Variants in ANKRD12 observed in about 807,000 individuals in gnomAD.
The protein encoded by ANKRD12 is ankyrin repeat domain-containing protein 12.
In ANKRD12, 85 loss-of-function variants were observed where a neutral mutation model predicts 183.4. The observed-to-expected ratio is 0.46, with a 90% CI of 0.39 to 0.56. The LOEUF is 0.56. ANKRD12 is among the 20% of genes least tolerant of loss of function. The pLI is 0.00. For synonymous variants in ANKRD12, 914 were observed against 800.2 expected, an observed-to-expected ratio of 1.14 and a Z score of -2.40; for missense variants, 2,405 against 2,357.1, an observed-to-expected ratio of 1.02 and a Z score of -0.42.
chr18:9,190,760 A>G (rs2034402477), intron 2 of ANKRD12, among the ~76,000 whole-genome samples: 1 of 152,248 alleles, frequency 6.6e-6, no homozygotes. Context: ...TAGTATATTT[A>G]GTACTTTAAA....
intron 10 of ANKRD12, among the ~76,000 whole-genome samples, chr18:9,267,056 A>G (rs1485763845): frequency 6.6e-6 from 1 of 152,184 alleles, no homozygotes. Flanking sequence ...CAATTCAACA[A>G]GAAGAGCTAA....
chr18:9,216,295 T>C (rs1456213169), intron 6 of ANKRD12, among the ~76,000 whole-genome samples: 1 of 152,140 alleles, frequency 6.6e-6, no homozygotes, highest in Non-Finnish European at 1.5e-5. Flanking sequence ...AAGATGATGA[T>C]GACCTTTTTG....
At chr18:9,138,544 AC>A in intron 1 of ANKRD12, among the ~76,000 whole-genome samples, 1 of 151,612 alleles carries the variant, frequency 6.6e-6, no homozygotes, top group East Asian at 1.9e-4. Context: ...AAACAAACAA[AC>A]AAAAAAACAT....
At position 9,255,014 on chromosome 18, in the gene ANKRD12, TATG is replaced by T. The variant is rs1275189680; in HGVS notation, c.1750_1752del (p.Asp584del). 6.2e-7 allele frequency: 1 copy of T among 1,607,100 alleles called. No individual in the cohort carries two copies. Among genetic ancestry groups the T allele is most frequent in the Non-Finnish European group, 8.5e-7 (1 of 1,177,570 alleles). On this transcript the variant is annotated inframe_deletion, in exon 9 of 13. Coordinates refer to ENST00000262126, the MANE Select transcript of ANKRD12 (RefSeq NM_015208.5). The stretch of plus-strand genomic sequence containing the variant: ...GTCATTACAGCCTGATCTTGTTCGG[TATG>T]ATAATACAGAATCTGAATTCTTGCC...
intron 10 of ANKRD12, among the ~76,000 whole-genome samples, chr18:9,265,646 A>G (rs1457639913): frequency 6.6e-6 from 1 of 152,184 alleles, no homozygotes; most frequent in East Asian, 1.9e-4. Context: ...ATCAAAGACC[A>G]AAGGTAGATA....
rs748527971 is a variant in ANKRD12 at position 9,282,621 on chromosome 18, A to T, written c.*1495A>T. 4.6e-5 allele frequency: 7 copies of T among 152,608 alleles called. 1 individual carries two copies. The highest frequency in any genetic ancestry group is 9.6e-5 in the African/African-American group (4 of 41,476). The allele number at this position is 152,608 out of a possible 1,614,324, so 9.5% of individuals were successfully genotyped here. A position where few individuals can be genotyped will look rare whatever the true frequency, so the allele number is the denominator to read the frequency against. The stretch of plus-strand genomic sequence containing the variant: ...CATAAATATATGAGGTAAAATTTGC[A>T]AAACTTTCCACAGTACTTTCTTGAA... On this transcript the variant is annotated 3_prime_UTR_variant, in exon 13 of 13. Coordinates refer to ENST00000262126, the MANE Select transcript of ANKRD12 (RefSeq NM_015208.5).
Position 9,240,810 on chromosome 18 carries a change from ATGT to A in ANKRD12, c.944-13396_944-13394del, listed in dbSNP as rs1435379666. Among the ~76,000 whole-genome samples the A allele has an allele frequency of 2.6e-5, 4 of 152,320 alleles. No homozygotes were observed. The East Asian group carries it at 5.8e-4, about 22-fold the overall frequency. On this transcript the variant is annotated intron_variant, in intron 8 of 12. Transcript: ENST00000262126. ...TTAGGAGACTTGAAATTACAGTAGTATGTTGTTACCCACTGGTTTACTGAGTGC... is the reference window on the plus strand; with the variant it reads ...TTAGGAGACTTGAAATTACAGTAGTATGTTACCCACTGGTTTACTGAGTGC...
chr18:9,186,136 G>GTTT (rs1280812557), intron 2 of ANKRD12, among the ~76,000 whole-genome samples: 4 of 141,888 alleles, frequency 2.8e-5, no homozygotes, highest in Non-Finnish European at 6.1e-5. Flanking sequence ...CTAAAAGTGT[G>GTTT]ATTTTTTTTT....
chr18:9,207,213 T>A (rs1190665479), intron 4 of ANKRD12, among the ~76,000 whole-genome samples: 3 of 152,120 alleles, frequency 2.0e-5, no homozygotes, highest in African/African-American at 7.2e-5. Context: ...TGTTTAGGGC[T>A]TTATAATGCA....
intron 8 of ANKRD12, among the ~76,000 whole-genome samples, chr18:9,234,228 C>T (rs1257872252): frequency 6.6e-6 from 1 of 152,190 alleles, no homozygotes; most frequent in Non-Finnish European, 1.5e-5. Context: ...TTCGCTCACC[C>T]CAGCCTCCCG....
intron 10 of ANKRD12, among the ~76,000 whole-genome samples, chr18:9,271,705 T>A (rs1278997719): frequency 1.3e-5 from 2 of 152,160 alleles, no homozygotes; most frequent in Non-Finnish European, 2.9e-5. Flanking sequence ...AGGATATCAG[T>A]ACATCTGTAA....
At chr18:9,184,236 A>T (rs1567889893) in intron 2 of ANKRD12, among the ~76,000 whole-genome samples, 1 of 152,224 alleles carries the variant, frequency 6.6e-6, no homozygotes, top group African/African-American at 2.4e-5. Context: ...AGATTTCCCT[A>T]CAAATTTACT....
In ANKRD12 at chr18:9,285,019, A is replaced by G. The variant is rs959946549; in HGVS notation, c.*3893A>G. On this transcript the variant is annotated 3_prime_UTR_variant, in exon 13 of 13. Transcript: ENST00000262126. ...CAGGAGATCGAGACCATCCTGGCTA[A>G]CACGGTGAAACCCCGTCTCTACTAA... 6.6e-6 allele frequency: 1 copy of G among 151,602 alleles called. No homozygotes were observed. The highest frequency in any genetic ancestry group is 1.9e-4 in the East Asian group (1 of 5,178). The allele number at this position is 151,602 out of a possible 1,614,324, so 9.4% of individuals were successfully genotyped here. A position where few individuals can be genotyped will look rare whatever the true frequency, so the allele number is the denominator to read the frequency against.
intron 1 of ANKRD12, among the ~76,000 whole-genome samples, chr18:9,163,470 C>T (rs1206923826): frequency 1.3e-5 from 2 of 152,048 alleles, no homozygotes; most frequent in Non-Finnish European, 2.9e-5. Flanking sequence ...AACATGATGC[C>T]TCTAGCTTTG....
Position 9,258,014 on chromosome 18 carries a change from C to T in ANKRD12, c.4747C>T (p.Pro1583Ser). ...AAACTTTGAGAAAGCTTATACTTTACCTGTGTTACCATCAGAAAAGGACTT... is the reference window on the plus strand; with the variant it reads ...AAACTTTGAGAAAGCTTATACTTTATCTGTGTTACCATCAGAAAAGGACTT... Reference protein sequence around the residue: ...SPNFEKAYTLPVLPSEKDFNG... With the variant: ...SPNFEKAYTLSVLPSEKDFNG... Residue 1583 changes from proline to serine, a missense_variant, in exon 9 of 13, where the codon CCT becomes TCT. Coordinates refer to ENST00000262126, the MANE Select transcript of ANKRD12 (RefSeq NM_015208.5). 1 of 1,613,770 alleles carries T rather than the reference C, an allele frequency of 6.2e-7. No homozygotes were observed. Among genetic ancestry groups the T allele is most frequent in the Non-Finnish European group, 8.5e-7 (1 of 1,179,948 alleles).
chr18:9,152,447 A>G (rs1452453182), intron 1 of ANKRD12, among the ~76,000 whole-genome samples: 1 of 152,106 alleles, frequency 6.6e-6, no homozygotes, highest in African/African-American at 2.4e-5. Flanking sequence ...AAAACAGGCC[A>G]TCTACCAGCC....
intron 1 of ANKRD12, among the ~76,000 whole-genome samples, chr18:9,154,283 G>A (rs2030046902): frequency 6.6e-6 from 1 of 152,106 alleles, no homozygotes; most frequent in Admixed American, 6.5e-5. Context: ...TTAGATGGAT[G>A]TGGTAACATG....
intron 8 of ANKRD12, among the ~76,000 whole-genome samples, chr18:9,244,968 G>C (rs1008112086): frequency 3.9e-5 from 6 of 152,012 alleles, no homozygotes; most frequent in Non-Finnish European, 7.4e-5. Context: ...CCATCTCTCT[G>C]TTTTTGTGAC....
intron 2 of ANKRD12, among the ~76,000 whole-genome samples, chr18:9,195,192 T>G (rs916426287): frequency 6.6e-6 from 1 of 151,584 alleles, no homozygotes; most frequent in Non-Finnish European, 1.5e-5. Flanking sequence ...GGGTGGAGGG[T>G]GGGAGGAGGG....
Sources: gnomAD v4.1 joint callset for allele counts (sites outside exome capture counted in the v4.1 genomes callset) on GRCh38, gnomAD v4.1.1 for gene constraint, MANE v1.5 for transcripts, NCBI Gene and HGNC (gene_info 2026-07-23, HGNC 2026-07-21) for gene names.